PARG: variants seen among roughly 807,000 people sequenced by gnomAD.
PARG encodes mitochondrial poly(ADP-ribose) glycohydrolase.
Under a neutral mutation model 113.0 loss-of-function variants are expected in PARG, and 35 were observed. The observed-to-expected ratio is 0.31, with a 90% CI of 0.24 to 0.41. PARG has a LOEUF of 0.41. Ranked by LOEUF, PARG falls within the 10% of genes least tolerant of loss-of-function variation. The probability of loss-of-function intolerance (pLI) is 1.00; values close to 1 mark genes in which losing one functional copy is unlikely to be tolerated. For synonymous variants in PARG, 330 were observed against 409.9 expected, an observed-to-expected ratio of 0.81 and a Z score of 2.36; for missense variants, 797 against 1,169.4, an observed-to-expected ratio of 0.68 and a Z score of 4.64.
chr10:49,836,094 A>G (rs2042916395), intron 15 of PARG, among the ~76,000 whole-genome samples: 1 of 152,174 alleles, frequency 6.6e-6, no homozygotes, highest in African/African-American at 2.4e-5. Flanking sequence ...CACAGAACAT[A>G]TCTCCATCTT....
rs1311035420 is a variant in PARG at position 49,887,502 on chromosome 10, T to C, written c.1738-2207A>G. ...TATTCCTAACACCCACTAATTTGTT[T>C]TTCAGCTGAAAAATTTTGCCATGTT... is the stretch of plus-strand genomic sequence containing the variant. On this transcript the variant is annotated intron_variant, in intron 7 of 17. Transcript: ENST00000616448. 2.6e-5 allele frequency among the ~76,000 whole-genome samples: 4 copies of C among 152,196 alleles called. No individual in the cohort carries two copies. In the East Asian group the frequency reaches 7.7e-4, roughly 29 times the overall value.
chr10:49,913,902 C>CATAAATAAATAA (rs566958948), intron 7 of PARG, among the ~76,000 whole-genome samples: 1 of 151,552 alleles, frequency 6.6e-6, no homozygotes, highest in African/African-American at 2.4e-5. Context: ...GACTCCATTT[C>CATAAATAAATAA]ATAAATAAAT....
At chr10:49,915,709 A>G (rs1453084139) in intron 7 of PARG, among the ~76,000 whole-genome samples, 1 of 152,098 alleles carries the variant, frequency 6.6e-6, no homozygotes, top group Non-Finnish European at 1.5e-5. Flanking sequence ...GTATGAAAAT[A>G]TAACAGAAAA....
intron 7 of PARG, among the ~76,000 whole-genome samples, chr10:49,894,465 C>T (rs528476694): frequency 7.9e-5 from 12 of 152,078 alleles, no homozygotes; most frequent in African/African-American, 2.2e-4. Context: ...AAATCTTTGT[C>T]GACTCCCAAG....
At chr10:49,937,787 G>A (rs1276024782) in intron 1 of PARG, among the ~76,000 whole-genome samples, 89 of 152,240 alleles carry the variant, frequency 5.8e-4, no homozygotes, top group African/African-American at 2.1e-3. Context: ...CTGAAGCCTG[G>A]GGAAGGGATG....
Position 49,846,387 on chromosome 10 carries a change from T to TA in PARG, c.2354-2756dup, listed in dbSNP as rs1488694095. ...GTGATAGACATGTTTTTTTTTTTTTTATGTCTTGATAGGGGTGTGGGATAT... is the reference window on the plus strand; with the variant it reads ...GTGATAGACATGTTTTTTTTTTTTTTAATGTCTTGATAGGGGTGTGGGATAT... On this transcript the variant is annotated intron_variant, in intron 13 of 17. Coordinates refer to ENST00000616448, the MANE Select transcript of PARG (RefSeq NM_003631.5). 2.6e-5 allele frequency among the ~76,000 whole-genome samples: 4 copies of TA among 151,644 alleles called. No individual in the cohort carries two copies. The South Asian group carries it at 6.2e-4, about 24-fold the overall frequency.
Position 49,922,621 on chromosome 10 carries a change from A to G in PARG, c.1504T>C (p.Tyr502His). Residue 502 changes from tyrosine to histidine, a missense_variant, in exon 5 of 18, where the codon TAT becomes CAT. Around this residue, in one of 5 missense-constraint regions of PARG, gnomAD observed 252 missense variants for 437.4 expected, o/e 0.58. Transcript: ENST00000616448. Reference sequence around the variant, plus strand: ...TGCTTGTTATCCCACAAATCTTTATAATGTGTTGGAAAAGGTTTAGGAACT... The same window carrying G: ...TGCTTGTTATCCCACAAATCTTTATGATGTGTTGGAAAAGGTTTAGGAACT... ...GEVPKPFPTH[Y>H]KDLWDNKHVK... The G allele has an allele frequency of 1.9e-6, 3 of 1,594,424 alleles. No homozygotes were observed. Among genetic ancestry groups the G allele is most frequent in the Non-Finnish European group, 2.6e-6 (3 of 1,169,436 alleles).
At chr10:49,850,906 C>A (rs577927494) in intron 13 of PARG, among the ~76,000 whole-genome samples, 1 of 151,400 alleles carries the variant, frequency 6.6e-6, no homozygotes, top group African/African-American at 2.4e-5. Flanking sequence ...CTGTCTCCTT[C>A]GAAAAAAGTG....
intron 7 of PARG, among the ~76,000 whole-genome samples, chr10:49,914,948 T>C (rs1190307942): frequency 6.6e-6 from 1 of 152,162 alleles, no homozygotes; most frequent in Non-Finnish European, 1.5e-5. Context: ...AAATGGATAT[T>C]CACATGGAAA....
At chr10:49,899,930 T>C (rs529395904) in intron 7 of PARG, among the ~76,000 whole-genome samples, 3 of 152,328 alleles carry the variant, frequency 2.0e-5, no homozygotes, top group Admixed American at 6.5e-5. Flanking sequence ...TAACGATAGA[T>C]AAATGAAATA....
At chr10:49,836,133 T>A (rs1439647053) in intron 15 of PARG, among the ~76,000 whole-genome samples, 1 of 152,114 alleles carries the variant, frequency 6.6e-6, no homozygotes, top group Admixed American at 6.5e-5. Context: ...ACTTAAAAGA[T>A]GTCTTTCATT....
chr10:49,935,168 C>T (rs2132986853), intron 1 of PARG, 26 bp from the exon 2 acceptor site: 2 of 708,600 alleles, frequency 2.8e-6, no homozygotes, highest in East Asian at 5.4e-5. Flanking sequence ...TATATTCATA[C>T]ATTCCTTCAA....
intron 15 of PARG, among the ~76,000 whole-genome samples, chr10:49,837,615 T>G (rs558986915): frequency 6.6e-4 from 101 of 152,372 alleles, no homozygotes; most frequent in Non-Finnish European, 1.1e-3. Flanking sequence ...ACAAATGCTT[T>G]AATCTAGAAG....
chr10:49,915,632 T>C (rs189734683), intron 7 of PARG, among the ~76,000 whole-genome samples: 695 of 152,166 alleles, frequency 4.6e-3, no homozygotes, highest in East Asian at 0.018. Context: ...TTTGAGAATA[T>C]AAGAACCATT....
Position 49,842,054 on chromosome 10 carries a change from C to A in PARG, c.2437G>T (p.Asp813Tyr). The A allele has an allele frequency of 6.5e-7, 1 of 1,545,668 alleles. No homozygotes were observed. Among genetic ancestry groups the A allele is most frequent in the South Asian group, 1.2e-5 (1 of 83,924 alleles). ...RSHEDGSERD[D>Y]WQRRCTEIVA... ...ATCTCAGTGCAGCGCCGCTGCCAGTCGTCCCTGGGACAGGAAGGAAAGGGG... is the reference window on the plus strand; with the variant it reads ...ATCTCAGTGCAGCGCCGCTGCCAGTAGTCCCTGGGACAGGAAGGAAAGGGG... The change falls in exon 15 of 18, where the codon GAC becomes TAC. Residue 813 changes from aspartate to tyrosine, a missense_variant. Around this residue, in one of 5 missense-constraint regions of PARG, gnomAD observed 194 missense variants for 247.1 expected, o/e 0.79. Transcript: ENST00000616448.
At chr10:49,838,180 C>T (rs1202939838) in intron 15 of PARG, among the ~76,000 whole-genome samples, 3 of 152,022 alleles carry the variant, frequency 2.0e-5, no homozygotes, top group Non-Finnish European at 2.9e-5. Context: ...CCTGTAATCC[C>T]GGCACTTTGG....
intron 6 of PARG, among the ~76,000 whole-genome samples, chr10:49,920,319 C>T (rs1837725514): frequency 1.3e-5 from 2 of 150,734 alleles, no homozygotes; most frequent in Admixed American, 6.6e-5. Flanking sequence ...CATGGTGGCA[C>T]ACACCTGTAG....
At chr10:49,826,838 TGCAAGACTG>T (rs1844382728) in intron 16 of PARG, among the ~76,000 whole-genome samples, 1 of 152,124 alleles carries the variant, frequency 6.6e-6, no homozygotes, top group South Asian at 2.1e-4. Flanking sequence ...ACTGCAGGGT[TGCAAGACTG>T]GAACTATTTG....
intron 7 of PARG, among the ~76,000 whole-genome samples, chr10:49,911,413 T>C (rs1837175137): frequency 6.6e-6 from 1 of 152,196 alleles, no homozygotes; most frequent in Non-Finnish European, 1.5e-5. Flanking sequence ...TTGATTCATT[T>C]AGAATATAAA....
Sources: allele counts gnomAD v4.1 joint callset (sites outside exome capture counted in the v4.1 genomes callset), GRCh38; gene constraint gnomAD v4.1.1; regional missense constraint gnomAD v4.1.1; transcripts MANE v1.5; gene names NCBI Gene and HGNC (gene_info 2026-07-23, HGNC 2026-07-21).